Variants in STAT1 observed in about 807,000 individuals in gnomAD.
STAT1 encodes signal transducer and activator of transcription 1-alpha/beta.
STAT1 carries 24 observed loss-of-function variants against 111.7 expected under a neutral mutation model. The ratio of observed to expected loss-of-function variants is 0.21; its 90% CI spans 0.16 to 0.30. The LOEUF is 0.30. STAT1 is among the 10% of genes least tolerant of loss of function. STAT1 has a pLI of 1.00. For synonymous variants in STAT1, 332 were observed against 326.5 expected (o/e 1.02, Z -0.18); for missense variants, 351 against 911.9 (o/e 0.38, Z 7.92).
At chr2:191,002,351 T>C (rs1031591549) in intron 5 of STAT1, among the ~76,000 whole-genome samples, 4 of 152,168 alleles carry the variant, frequency 2.6e-5, no homozygotes, top group African/African-American at 9.7e-5. Flanking sequence ...CCTTCTAGAT[T>C]TTTCTCTTCT....
At position 190,974,993 on chromosome 2, in the gene STAT1, T is replaced by A; in HGVS notation, c.2136-61A>T. 3.3e-6 allele frequency: 4 copies of A among 1,194,232 alleles called. No individual in the cohort carries two copies. The highest frequency in any genetic ancestry group is 5.0e-6 in the Non-Finnish European group (4 of 804,518). 74.0% of individuals were successfully genotyped at this position (1,194,232 alleles called of 1,614,324 possible). On this transcript the variant is annotated intron_variant, in intron 23 of 24. Transcript: ENST00000361099. This position sits in a 1 kb window ranked among gnomAD's most constrained non-coding sequence, Gnocchi z 4.8. ...TCTGAGTGATGAAAGCACTAGTGCA[T>A]ACTTACACACTTTATCTTTTGTCTG...
At position 191,008,597 on chromosome 2, in the gene STAT1, T is replaced by C. The variant is rs573612612; in HGVS notation, c.273+366A>G. Among the ~76,000 whole-genome samples, 3 of 152,356 alleles carry C rather than the reference T, an allele frequency of 2.0e-5. No individual in the cohort carries two copies. In the East Asian group the frequency reaches 5.8e-4, roughly 29 times the overall value. ...GCAAGGACCTGAACCTAACCACTAA[T>C]GTTCCCTGGAGCTTTAATGTATTAC... is the stretch of plus-strand genomic sequence containing the variant. On this transcript the variant is annotated intron_variant, in intron 4 of 24. Coordinates refer to ENST00000361099, the MANE Select transcript of STAT1 (RefSeq NM_007315.4).
chr2:190,975,707 G>T lies in STAT1; in HGVS notation c.2135+105C>A. 1.3e-6 allele frequency: 2 copies of T among 1,558,584 alleles called. No homozygotes were observed. Among genetic ancestry groups the T allele is most frequent in the Non-Finnish European group, 1.7e-6 (2 of 1,152,376 alleles). On this transcript the variant is annotated intron_variant, in intron 23 of 24. Transcript: ENST00000361099. The surrounding 1 kb of genome is among the most constrained non-coding windows in gnomAD (Gnocchi z 5.9). ...AACAAGTTCAGCTGTGATGGCGATA[G>T]CAATTACAATGGAAAAGTAAAATAC...
Position 190,983,530 on chromosome 2 carries a change from C to A in STAT1, c.1446+112G>T. ...AAAAGCCTTAGAAATACCACAGGAG[C>A]TTTGTCACTTCTCCCTTAACAACTG... is the stretch of plus-strand genomic sequence containing the variant. On this transcript the variant is annotated intron_variant, in intron 17 of 24. Coordinates refer to ENST00000361099, the MANE Select transcript of STAT1 (RefSeq NM_007315.4). This position sits in a 1 kb window ranked among gnomAD's most constrained non-coding sequence, Gnocchi z 5.7. The A allele has an allele frequency of 1.1e-6, 1 of 913,572 alleles. No individual in the cohort carries two copies. Among genetic ancestry groups the A allele is most frequent in the East Asian group, 2.4e-5 (1 of 41,478 alleles). 56.6% of individuals were successfully genotyped at this position (913,572 alleles called of 1,614,324 possible). A position where few individuals can be genotyped will look rare whatever the true frequency, so the allele number is the denominator to read the frequency against.
rs1048487714 is a variant in STAT1 at position 190,979,881 on chromosome 2, A to T, written c.1633-15T>A. 9 of 1,548,256 alleles carry T rather than the reference A, an allele frequency of 5.8e-6. No homozygotes were observed. In the African/African-American group the frequency reaches 8.2e-5, roughly 14 times the overall value. On this transcript the variant is annotated splice_polypyrimidine_tract_variant and intron_variant, in intron 19 of 24. Coordinates refer to ENST00000361099, the MANE Select transcript of STAT1 (RefSeq NM_007315.4). The surrounding 1 kb of genome is among the most constrained non-coding windows in gnomAD (Gnocchi z 5.8). ...TTTATATTTTCCTGAAAGTATACAA[A>T]TGCAGACATTATGAACAAAAATCTA...
Position 190,982,341 on chromosome 2 carries a change from A to T in STAT1, c.1582+42T>A. Reference sequence around the variant, plus strand: ...GAGCAATTAGAGAGATATTTTTATGAATTTCAATTTTTATAAACATAACAA... The same window carrying T: ...GAGCAATTAGAGAGATATTTTTATGTATTTCAATTTTTATAAACATAACAA... On this transcript the variant is annotated intron_variant, in intron 18 of 24. Coordinates refer to ENST00000361099, the MANE Select transcript of STAT1 (RefSeq NM_007315.4). The surrounding 1 kb of genome is among the most constrained non-coding windows in gnomAD (Gnocchi z 7.3). 1 of 1,610,238 alleles carries T rather than the reference A, an allele frequency of 6.2e-7. No individual in the cohort carries two copies. Among genetic ancestry groups the T allele is most frequent in the Non-Finnish European group, 8.5e-7 (1 of 1,176,772 alleles).
At chr2:191,011,514 A>G (rs773648222) in intron 2 of STAT1, among the ~76,000 whole-genome samples, 5 of 152,180 alleles carry the variant, frequency 3.3e-5, no homozygotes, top group African/African-American at 4.8e-5. Context: ...CAACCCCTGG[A>G]CTAGAGCAAT....
intron 10 of STAT1, among the ~76,000 whole-genome samples, chr2:190,991,792 G>A (rs1410075186): frequency 6.6e-6 from 1 of 152,022 alleles, no homozygotes; most frequent in African/African-American, 2.4e-5. Flanking sequence ...AGGAGGTTGA[G>A]GCTGAAGTGA....
At chr2:191,002,708 C>G (rs1694367111) in intron 5 of STAT1, among the ~76,000 whole-genome samples, 1 of 152,098 alleles carries the variant, frequency 6.6e-6, no homozygotes, top group Non-Finnish European at 1.5e-5. Flanking sequence ...GCAGTGGAAA[C>G]ACAGCATCCT....
In STAT1 at chr2:190,984,337, G is replaced by A. The variant is rs754998623; in HGVS notation, c.1320C>T (p.Cys440=). The stretch of plus-strand genomic sequence containing the variant: ...CGAGGTCAATTACCAAACCAGGCTG[G>A]CACAATTGGGTTTCAAAACTAAGGG... ...LHSLSFETQL[C]QPGLVIDLET... is the part of the protein sequence containing the mutation. Residue 440 remains cysteine, a synonymous_variant, in exon 16 of 25, where the codon TGC becomes TGT. Transcript: ENST00000361099. This position sits in a 1 kb window ranked among gnomAD's most constrained non-coding sequence, Gnocchi z 5.2. 1 of 1,614,068 alleles carries A rather than the reference G, an allele frequency of 6.2e-7. No individual in the cohort carries two copies. The highest frequency in any genetic ancestry group is 1.7e-5 in the Admixed American group (1 of 60,012).
rs1352311209 is a variant in STAT1, at chr2:190,971,366, G to C, written c.2239-649C>G. On this transcript the variant is annotated intron_variant, in intron 24 of 24. Coordinates refer to ENST00000361099, the MANE Select transcript of STAT1 (RefSeq NM_007315.4). The surrounding 1 kb of genome is among the most constrained non-coding windows in gnomAD (Gnocchi z 4.1). ...ATGATTCTGTCCCCTGGCAATGGCT[G>C]AAGACATTGCTGATTGTCCCATCTG... 6.6e-6 allele frequency among the ~76,000 whole-genome samples: 1 copy of C among 152,200 alleles called. No individual in the cohort carries two copies. The highest frequency in any genetic ancestry group is 1.5e-5 in the Non-Finnish European group (1 of 68,026).
At position 190,980,311 on chromosome 2, in the gene STAT1, C is replaced by T. The variant is rs993037360; in HGVS notation, c.1632+309G>A. On this transcript the variant is annotated intron_variant, in intron 19 of 24. Transcript: ENST00000361099. The surrounding 1 kb of genome is among the most constrained non-coding windows in gnomAD (Gnocchi z 6.1). ...GGCTGGTCAGGCTGCGCCACCCAGCCCACAACATACATTTCACACAGAAAT... is the reference window on the plus strand; with the variant it reads ...GGCTGGTCAGGCTGCGCCACCCAGCTCACAACATACATTTCACACAGAAAT... 6.6e-6 allele frequency among the ~76,000 whole-genome samples: 1 copy of T among 152,206 alleles called. No homozygotes were observed. Among genetic ancestry groups the T allele is most frequent in the Non-Finnish European group, 1.5e-5 (1 of 68,036 alleles).
chr2:191,008,927 G>C (rs781239055), intron 4 of STAT1, 36 bp downstream of exon 4: 1 of 1,608,950 alleles, frequency 6.2e-7, no homozygotes, highest in Non-Finnish European at 8.5e-7. Flanking sequence ...ATAAACATGA[G>C]AACATTTCAA....
intron 14 of STAT1, 129 bp from the exon 15 acceptor site, chr2:190,985,789 C>T: frequency 2.9e-6 from 3 of 1,033,590 alleles, no homozygotes; most frequent in South Asian, 1.3e-5. Flanking sequence ...GAATGCAGAA[C>T]ATGGGACAAA....
At position 190,975,086 on chromosome 2, in the gene STAT1, A is replaced by AG. The variant is rs1691803776; in HGVS notation, c.2136-155dup. ...TACACTTGTAAAATACATTTGCAAAAGTACAGCTCATGGGAGGCTCATGTC... is the reference window on the plus strand; with the variant it reads ...TACACTTGTAAAATACATTTGCAAAAGGTACAGCTCATGGGAGGCTCATGTC... On this transcript the variant is annotated intron_variant, in intron 23 of 24. Transcript: ENST00000361099. This position sits in a 1 kb window ranked among gnomAD's most constrained non-coding sequence, Gnocchi z 5.9. 6.6e-6 allele frequency among the ~76,000 whole-genome samples: 1 copy of AG among 152,234 alleles called. No individual in the cohort carries two copies. Among genetic ancestry groups the AG allele is most frequent in the Non-Finnish European group, 1.5e-5 (1 of 68,048 alleles).
Position 190,993,531 on chromosome 2 carries a change from T to G in STAT1, c.944+1530A>C. ...CCCAGAGTCGCCAATCAGAAGTAATTTGAATAAATAATCAATTTGGGATTC... is the reference window on the plus strand; with the variant it reads ...CCCAGAGTCGCCAATCAGAAGTAATGTGAATAAATAATCAATTTGGGATTC... On this transcript the variant is annotated intron_variant, in intron 10 of 24. Coordinates refer to ENST00000361099, the MANE Select transcript of STAT1 (RefSeq NM_007315.4). This position sits in a 1 kb window ranked among gnomAD's most constrained non-coding sequence, Gnocchi z 4.1. 5 of 702,528 alleles carry G rather than the reference T, an allele frequency of 7.1e-6. No homozygotes were observed. Among genetic ancestry groups the G allele is most frequent in the Non-Finnish European group, 1.0e-5 (4 of 388,106 alleles). The allele number at this position is 702,528 out of a possible 1,614,324, so 43.5% of individuals were successfully genotyped here. A position where few individuals can be genotyped will look rare whatever the true frequency, so the allele number is the denominator to read the frequency against.
intron 10 of STAT1, among the ~76,000 whole-genome samples, chr2:190,991,938 A>G (rs1022043524): frequency 1.3e-5 from 2 of 152,222 alleles, no homozygotes; most frequent in African/African-American, 4.8e-5. Flanking sequence ...ATGTGCACTC[A>G]AAGTACAAGT....
Position 190,996,704 on chromosome 2 carries a change from T to C in STAT1, c.785+1152A>G, listed in dbSNP as rs1374776148. On this transcript the variant is annotated intron_variant, in intron 9 of 24. Coordinates refer to ENST00000361099, the MANE Select transcript of STAT1 (RefSeq NM_007315.4). This position sits in a 1 kb window ranked among gnomAD's most constrained non-coding sequence, Gnocchi z 4.5. ...AATTCACAGAACAAAAATAAATGGC[T>C]GAATATTAATTGTGATTTTTTTAAA... Among the ~76,000 whole-genome samples the C allele has an allele frequency of 1.3e-5, 2 of 152,178 alleles. No homozygotes were observed. Among genetic ancestry groups the C allele is most frequent in the Non-Finnish European group, 2.9e-5 (2 of 68,024 alleles).
rs953430433 is a variant in STAT1 at position 190,990,180 on chromosome 2, C to T, written c.1038-506G>A. On this transcript the variant is annotated intron_variant, in intron 11 of 24. Coordinates refer to ENST00000361099, the MANE Select transcript of STAT1 (RefSeq NM_007315.4). The surrounding 1 kb of genome is among the most constrained non-coding windows in gnomAD (Gnocchi z 5.1). The stretch of plus-strand genomic sequence containing the variant: ...GATGGAGGGCAGGTGAGAGGGTGTA[C>T]CTCTGCTCCACTGAGCTGGAGACTT... Among the ~76,000 whole-genome samples, 1 of 152,286 alleles carries T rather than the reference C, an allele frequency of 6.6e-6. No homozygotes were observed. Among genetic ancestry groups the T allele is most frequent in the South Asian group, 2.1e-4 (1 of 4,814 alleles).
Sources: gnomAD v4.1 joint callset for allele counts (sites outside exome capture counted in the v4.1 genomes callset) on GRCh38, gnomAD v4.1.1 for gene constraint, Gnocchi (gnomAD v3.1) non-coding constraint, MANE v1.5 for transcripts, NCBI Gene and HGNC (gene_info 2026-07-23, HGNC 2026-07-21) for gene names.